TRPM5: variants seen among roughly 807,000 people sequenced by gnomAD.
The protein encoded by TRPM5 is MLSN1 and TRP-related.
Under a neutral mutation model 124.9 loss-of-function variants are expected in TRPM5, and 121 were observed. The observed-to-expected ratio is 0.97, with a 90% CI of 0.84 to 1.13. TRPM5 has a LOEUF of 1.13. Ranked by LOEUF, TRPM5 falls within the 50% of genes most tolerant of loss-of-function variation. TRPM5 has a pLI of 0.00. For missense variants in TRPM5, 1,643 were observed against 1,589.1 expected (o/e 1.03, Z -0.58); for synonymous variants, 781 against 700.5 (o/e 1.11, Z -1.81).
chr11:2,435,372 AC>A, the TRPM5 span, among the ~76,000 whole-genome samples: 1 of 151,740 alleles, frequency 6.6e-6, no homozygotes, highest in Non-Finnish European at 1.5e-5. The surrounding 1 kb of genome is among the most constrained non-coding windows in gnomAD (Gnocchi z 4.1). Context: ...TCACTCACCC[AC>A]CCACTCATGC....
At chr11:2,405,676 C>G in intron 22 of TRPM5, 83 bp from the exon 28 acceptor site, 1 of 1,434,538 alleles carries the variant, frequency 7.0e-7, no homozygotes. Flanking sequence ...CTCCCCTCTC[C>G]TGCCAGGGCC....
chr11:2,408,055 A>G, intron 18 of TRPM5, 143 bp from the exon 24 acceptor site: 1 of 1,122,604 alleles, frequency 8.9e-7, no homozygotes. Context: ...GTCCCAGTTC[A>G]CCCAGGGCGG....
chr11:2,415,420 CG>C lies in TRPM5; in HGVS notation c.1179del (p.Glu394SerfsTer17). The C allele has an allele frequency of 6.3e-7, 1 of 1,593,368 alleles. No individual in the cohort carries two copies. The stretch of plus-strand genomic sequence containing the variant: ...TTGTCCACAAAGAGGCGCACAAACT[CG>C]GGCTTGTTGCTGACCAGGGCGTCCA... On this transcript the variant is annotated frameshift_variant, in exon 9 of 24. Coordinates refer to ENST00000155858, the Ensembl canonical transcript of TRPM5. LOFTEE classifies it high-confidence loss of function.
the TRPM5 span, among the ~76,000 whole-genome samples, chr11:2,441,848 C>T: frequency 6.6e-6 from 1 of 152,090 alleles, no homozygotes; most frequent in Non-Finnish European, 1.5e-5. This position sits in a 1 kb window ranked among gnomAD's most constrained non-coding sequence, Gnocchi z 7.2. Context: ...TGCCACCACA[C>T]CCAGCTAATT....
chr11:2,417,832 G>A lies in TRPM5; in HGVS notation c.907-3C>T. On this transcript the variant is annotated splice_polypyrimidine_tract_variant and splice_region_variant and intron_variant, in intron 6 of 23. Coordinates refer to ENST00000155858, the Ensembl canonical transcript of TRPM5. ...TGGTGTGAGGTGATGTTCTGCAGCT[G>A]GGCACCAGAACAGAGCCCCCATGGG... 1 of 1,571,230 alleles carries A rather than the reference G, an allele frequency of 6.4e-7. No homozygotes were observed. Among genetic ancestry groups the A allele is most frequent in the Non-Finnish European group, 8.6e-7 (1 of 1,157,536 alleles).
At chr11:2,424,632 T>C (rs1373567294), upstream of TRPM5, among the ~76,000 whole-genome samples, 2 of 152,212 alleles carry the variant, frequency 1.3e-5, no homozygotes, top group Non-Finnish European at 2.9e-5. Context: ...GGTTGGGTGA[T>C]GTGGCCACAA....
chr11:2,423,267 G>A (rs532382756), upstream of TRPM5, among the ~76,000 whole-genome samples: 5 of 152,272 alleles, frequency 3.3e-5, no homozygotes, highest in South Asian at 8.3e-4. Context: ...CTGTAGCACC[G>A]CCCCAACCAA....
chr11:2,423,885 A>C (rs1228596354), upstream of TRPM5, among the ~76,000 whole-genome samples: 2 of 152,200 alleles, frequency 1.3e-5, no homozygotes, highest in Admixed American at 6.5e-5. Flanking sequence ...GCCCAGCCCC[A>C]GCCTGGCTGA....
the TRPM5 span, among the ~76,000 whole-genome samples, chr11:2,431,455 A>G: frequency 7.2e-5 from 11 of 152,048 alleles, no homozygotes; most frequent in Non-Finnish European, 1.5e-4. Flanking sequence ...CTCTAAGCCT[A>G]TGGGGTTGGG....
chr11:2,408,058 C>T, intron 18 of TRPM5, 146 bp from the exon 24 acceptor site: 1 of 1,105,826 alleles, frequency 9.0e-7, no homozygotes, highest in South Asian at 1.6e-5. Flanking sequence ...CCAGTTCACC[C>T]AGGGCGGCCT....
At chr11:2,425,908 G>T (rs1184242225), upstream of TRPM5, among the ~76,000 whole-genome samples, 1 of 152,130 alleles carries the variant, frequency 6.6e-6, no homozygotes, top group Non-Finnish European at 1.5e-5. Flanking sequence ...TCTTCCCTTC[G>T]TCCCTGGTGG....
chr11:2,426,681 G>A (rs1271275486), upstream of TRPM5, among the ~76,000 whole-genome samples: 2 of 152,132 alleles, frequency 1.3e-5, no homozygotes, highest in East Asian at 3.9e-4. Context: ...TCCCAGCCCC[G>A]CTCATCCCCA....
exon 5 of TRPM5, chr11:2,418,534 G>A (rs1383358952): frequency 6.2e-7 from 1 of 1,611,096 alleles, no homozygotes; most frequent in Non-Finnish European, 8.5e-7. Flanking sequence ...TACCTCCAAG[G>A]TGTTGGGATC....
At chr11:2,419,631 AAAAAAAAAAC>A (rs899615861) in intron 4 of TRPM5, among the ~76,000 whole-genome samples, 11 of 152,138 alleles carry the variant, frequency 7.2e-5, no homozygotes, top group Non-Finnish European at 1.2e-4. Flanking sequence ...TCAAAAAAAA[AAAAAAAAAAC>A]AGAGGGCTCA....
the TRPM5 span, among the ~76,000 whole-genome samples, chr11:2,444,451 T>G: frequency 6.6e-6 from 1 of 150,490 alleles, no homozygotes; most frequent in Non-Finnish European, 1.5e-5. Flanking sequence ...CTGGCGCAGC[T>G]GGGGTCCTCC....
chr11:2,435,145 CA>C, the TRPM5 span, among the ~76,000 whole-genome samples: 1 of 152,026 alleles, frequency 6.6e-6, no homozygotes, highest in Non-Finnish European at 1.5e-5. This position sits in a 1 kb window ranked among gnomAD's most constrained non-coding sequence, Gnocchi z 4.1. Context: ...GGCACTGTGT[CA>C]GGGGGAGACA....
rs1426114796 is a variant in TRPM5, at chr11:2,414,884, C to A, written c.1620+23G>T. 4 of 1,596,878 alleles carry A rather than the reference C, an allele frequency of 2.5e-6. No individual in the cohort carries two copies. In the Admixed American group the frequency reaches 5.2e-5, roughly 21 times the overall value. On this transcript the variant is annotated intron_variant, in intron 10 of 23. Coordinates refer to ENST00000155858, the Ensembl canonical transcript of TRPM5. ...AGGCCGCCCCTCCCCTGCCCCCGCG[C>A]TGGGCCCGCGGCCTGGGCTCACCAT...
the TRPM5 span, among the ~76,000 whole-genome samples, chr11:2,431,147 A>G: frequency 6.6e-6 from 1 of 152,056 alleles, no homozygotes; most frequent in African/African-American, 2.4e-5. Context: ...TGAGAGGAGA[A>G]GCAGATATCA....
chr11:2,420,439 C>T (rs1008687523), intron 3 of TRPM5, 34 bp from the exon 9 acceptor site: 4 of 1,541,606 alleles, frequency 2.6e-6, no homozygotes, highest in Non-Finnish European at 3.5e-6. Context: ...GCTGAGCCCT[C>T]GAGAGGCAGC....
Sources: allele counts gnomAD v4.1 joint callset (sites outside exome capture counted in the v4.1 genomes callset), GRCh38; gene constraint gnomAD v4.1.1; non-coding constraint Gnocchi (gnomAD v3.1); transcripts MANE v1.5; gene names NCBI Gene and HGNC (gene_info 2026-07-23, HGNC 2026-07-21).